Variants in PCDHGA4 observed in about 807,000 individuals in gnomAD.
The protein encoded by PCDHGA4 is protocadherin gamma-A4.
In PCDHGA4, 38 loss-of-function variants were observed where a neutral mutation model predicts 54.6. That is an observed-to-expected ratio of 0.70 (90% confidence interval 0.54 to 0.91). The LOEUF (loss-of-function observed/expected upper bound fraction) is 0.91. Among genes scored for constraint, PCDHGA4 ranks in the 40% least tolerant of loss-of-function variants. The probability of loss-of-function intolerance (pLI) is 0.00; values close to 1 mark genes in which losing one functional copy is unlikely to be tolerated. For synonymous variants in PCDHGA4, 511 were observed against 512.9 expected, an observed-to-expected ratio of 1.00 and a Z score of 0.05; for missense variants, 1,298 against 1,220.9, an observed-to-expected ratio of 1.06 and a Z score of -0.94.
chr5:141,375,769 C>T, intron 1 of PCDHGA4: 1 of 1,614,238 alleles, frequency 6.2e-7, no homozygotes, highest in Non-Finnish European at 8.5e-7. Flanking sequence ...CGCCCGAGAT[C>T]CTGTACCCCG....
chr5:141,404,361 C>A, intron 1 of PCDHGA4: 3 of 1,613,956 alleles, frequency 1.9e-6, no homozygotes, highest in Non-Finnish European at 2.5e-6. Context: ...AGAGGTACTT[C>A]CATCTTCTCC....
At chr5:141,370,837 C>G (rs1212771531) in intron 1 of PCDHGA4, 1 of 1,614,004 alleles carries the variant, frequency 6.2e-7, no homozygotes, top group Non-Finnish European at 8.5e-7. Context: ...CTGGCTCTCA[C>G]TGGAGCCACA....
chr5:141,389,049 C>T, intron 1 of PCDHGA4: 7 of 1,613,880 alleles, frequency 4.3e-6, no homozygotes, highest in Non-Finnish European at 5.9e-6. Flanking sequence ...AGGTGATGTT[C>T]CATTTAAAAT....
At chr5:141,506,649 T>C (rs1487823663) in intron 3 of PCDHGA4, among the ~76,000 whole-genome samples, 1 of 152,114 alleles carries the variant, frequency 6.6e-6, no homozygotes, top group Admixed American at 6.6e-5. Context: ...CAGCACAGGA[T>C]TGGCAGAGAG....
chr5:141,476,837 G>A lies in PCDHGA4; in HGVS notation c.2515-17970G>A, dbSNP rs1160244271. 4 of 1,613,534 alleles carry A rather than the reference G, an allele frequency of 2.5e-6. No individual in the cohort carries two copies. The highest frequency in any genetic ancestry group is 3.4e-6 in the Non-Finnish European group (4 of 1,180,054). On this transcript the variant is annotated intron_variant, in intron 1 of 3. Coordinates refer to ENST00000571252, the MANE Select transcript of PCDHGA4 (RefSeq NM_018917.4). The surrounding 1 kb of genome is among the most constrained non-coding windows in gnomAD (Gnocchi z 7.6). Reference sequence around the variant, plus strand: ...CAAGGTGCTGGACGCGAATGACAATGCGCCTGTCTTCAACCAGTCCTTGTA... The same window carrying A: ...CAAGGTGCTGGACGCGAATGACAATACGCCTGTCTTCAACCAGTCCTTGTA...
chr5:141,498,930 C>T (rs2099786911), intron 2 of PCDHGA4, among the ~76,000 whole-genome samples: 1 of 121,364 alleles, frequency 8.2e-6, no homozygotes, highest in Non-Finnish European at 1.6e-5. Flanking sequence ...GAGACTCCAT[C>T]AGGAAAGAAA....
At chr5:141,430,680 C>T (rs990086941) in intron 1 of PCDHGA4, 1 of 1,343,242 alleles carries the variant, frequency 7.4e-7, no homozygotes, top group Non-Finnish European at 1.0e-6. Flanking sequence ...TCCCAACTGT[C>T]CCATTCTATG....
Position 141,385,517 on chromosome 5 carries a change from T to G in PCDHGA4, c.2514+27896T>G, listed in dbSNP as rs887255170. 4.4e-6 allele frequency: 6 copies of G among 1,367,514 alleles called. No individual in the cohort carries two copies. In the Admixed American group the frequency reaches 2.0e-4, roughly 47 times the overall value. The allele number at this position is 1,367,514 out of a possible 1,614,324, so 84.7% of individuals were successfully genotyped here. A position where few individuals can be genotyped will look rare whatever the true frequency, so the allele number is the denominator to read the frequency against. The stretch of plus-strand genomic sequence containing the variant: ...ATATAGTATTTCTTTAGTGAAAGCC[T>G]ATGGACAAGATTATGAATATGTGGA... On this transcript the variant is annotated intron_variant, in intron 1 of 3. Transcript: ENST00000571252.
At chr5:141,463,168 T>C (rs74924211) in intron 1 of PCDHGA4, among the ~76,000 whole-genome samples, 6,974 of 152,254 alleles carry the variant, frequency 0.046, 178 homozygotes, top group Middle Eastern at 0.082. Context: ...GTGCACTCTA[T>C]GTATGCTCAG....
chr5:141,372,199 C>A (rs1366394152), intron 1 of PCDHGA4: 1 of 1,613,572 alleles, frequency 6.2e-7, no homozygotes, highest in Non-Finnish European at 8.5e-7. Context: ...GGATACAACG[C>A]CTGGCTGTCC....
chr5:141,365,402 G>A (rs1437859206), intron 1 of PCDHGA4: 2 of 1,613,998 alleles, frequency 1.2e-6, no homozygotes, highest in South Asian at 2.2e-5. Context: ...TTCGATCTCT[G>A]AAGACTGTCT....
At chr5:141,403,414 T>C (rs373392812) in intron 1 of PCDHGA4, 142 of 1,613,926 alleles carry the variant, frequency 8.8e-5, no homozygotes, top group Middle Eastern at 1.6e-4. Context: ...GTTATCCACT[T>C]CCAGAAGCTA....
At chr5:141,409,952 C>T (rs892751686) in intron 1 of PCDHGA4, 2 of 1,613,232 alleles carry the variant, frequency 1.2e-6, no homozygotes, top group Non-Finnish European at 1.7e-6. Context: ...CTCTGCAGAG[C>T]CCGGCTACCT....
Position 141,408,693 on chromosome 5 carries a change from TAAACTC to T in PCDHGA4, c.2514+51075_2514+51080del, listed in dbSNP as rs1561714743. 1.9e-6 allele frequency: 3 copies of T among 1,613,768 alleles called. No homozygotes were observed. In the African/African-American group the frequency reaches 4.0e-5, roughly 22 times the overall value. On this transcript the variant is annotated intron_variant, in intron 1 of 3. Coordinates refer to ENST00000571252, the MANE Select transcript of PCDHGA4 (RefSeq NM_018917.4). The stretch of plus-strand genomic sequence containing the variant: ...CCTGCCACGGATCCTGATATAAACA[TAAACTC>T]AATTAAAGATTATAAGATAAACTCT...
intron 1 of PCDHGA4, chr5:141,383,493 G>T: frequency 1.2e-6 from 2 of 1,613,270 alleles, no homozygotes; most frequent in Non-Finnish European, 1.7e-6. Context: ...TGCTGGAGCG[G>T]GTGCTGGACC....
At position 141,505,479 on chromosome 5, in the gene PCDHGA4, G is replaced by A; in HGVS notation, c.2660G>A (p.Ser887Asn). 1 of 1,614,228 alleles carries A rather than the reference G, an allele frequency of 6.2e-7. No homozygotes were observed. The highest frequency in any genetic ancestry group is 8.5e-7 in the Non-Finnish European group (1 of 1,180,018). Residue 887 changes from serine to asparagine, a missense_variant and splice_region_variant, in exon 3 of 4, where the codon AGT (serine) becomes AAT (asparagine). Ser to Asn is a conservative substitution (Grantham distance 46, BLOSUM62 1). Coordinates refer to ENST00000571252, the MANE Select transcript of PCDHGA4 (RefSeq NM_018917.4). Reference sequence around the variant, plus strand: ...CAAGCCATGATCTTGGCGTCCGCCAGTGGTAAGTGGTGTCAGTGTGTGTAT... The same window carrying A: ...CAAGCCATGATCTTGGCGTCCGCCAATGGTAAGTGGTGTCAGTGTGTGTAT... Reference protein sequence around the residue: ...MLQAMILASASEAADGSSTLG... With the variant: ...MLQAMILASANEAADGSSTLG...
At chr5:141,410,039 G>A (rs1413013254) in intron 1 of PCDHGA4, 2 of 1,613,264 alleles carry the variant, frequency 1.2e-6, no homozygotes, top group South Asian at 1.1e-5. Context: ...GCAGGCCAGT[G>A]AGCCCGGACT....
chr5:141,376,530 G>C (rs200613052), intron 1 of PCDHGA4: 3 of 1,613,550 alleles, frequency 1.9e-6, no homozygotes, highest in African/African-American at 1.3e-5. Context: ...CCGCCTAAGC[G>C]GGAAGAGTAA....
At chr5:141,399,348 C>G (rs1287526689) in intron 1 of PCDHGA4, 1 of 1,613,940 alleles carries the variant, frequency 6.2e-7, no homozygotes, top group Non-Finnish European at 8.5e-7. Flanking sequence ...GAACCCTAGA[C>G]CGAGAGCAAA....
Sources: gnomAD v4.1 joint callset for allele counts (sites outside exome capture counted in the v4.1 genomes callset) on GRCh38, gnomAD v4.1.1 for gene constraint, Gnocchi (gnomAD v3.1) non-coding constraint, MANE v1.5 for transcripts, NCBI Gene and HGNC (gene_info 2026-07-23, HGNC 2026-07-21) for gene names.